Variants in PAK5 observed in about 807,000 individuals in gnomAD.
PAK5 encodes p21 (RAC1) activated kinase 5.
Under a neutral mutation model 65.9 loss-of-function variants are expected in PAK5, and 16 were observed. The ratio of observed to expected loss-of-function variants is 0.24; its 90% CI spans 0.16 to 0.37. The LOEUF (loss-of-function observed/expected upper bound fraction) is 0.37. Ranked by LOEUF, PAK5 falls within the 10% of genes least tolerant of loss-of-function variation. The probability of loss-of-function intolerance (pLI) is 1.00; values close to 1 mark genes in which losing one functional copy is unlikely to be tolerated. For synonymous variants in PAK5, 371 were observed against 354.9 expected, an observed-to-expected ratio of 1.05 and a Z score of -0.51; for missense variants, 785 against 903.9, an observed-to-expected ratio of 0.87 and a Z score of 1.69.
At chr20:9,624,452 C>G (rs1230817704) in intron 3 of PAK5, among the ~76,000 whole-genome samples, 1 of 151,908 alleles carries the variant, frequency 6.6e-6, no homozygotes, top group Non-Finnish European at 1.5e-5. Flanking sequence ...AATTTGTACA[C>G]TTGGAAGGTA....
intron 1 of PAK5, among the ~76,000 whole-genome samples, chr20:9,755,842 C>CAT (rs2048627439): frequency 6.6e-6 from 1 of 152,170 alleles, no homozygotes; most frequent in South Asian, 2.1e-4. Flanking sequence ...TTCCATATGG[C>CAT]ATCTGATTAA....
At chr20:9,570,471 AGT>A (rs958771946) in intron 4 of PAK5, among the ~76,000 whole-genome samples, 2 of 113,434 alleles carry the variant, frequency 1.8e-5, no homozygotes, top group African/African-American at 1.1e-4. Flanking sequence ...TGTGTGTGTG[AGT>A]GTGTGTGTAT....
chr20:9,726,602 A>G (rs1203887614), intron 1 of PAK5, among the ~76,000 whole-genome samples: 2 of 152,162 alleles, frequency 1.3e-5, no homozygotes, highest in East Asian at 1.9e-4. Flanking sequence ...AAAAGTATAA[A>G]TAGAACTTTG....
chr20:9,722,471 G>T (rs935607125), intron 1 of PAK5, among the ~76,000 whole-genome samples: 2 of 151,850 alleles, frequency 1.3e-5, no homozygotes, highest in African/African-American at 4.8e-5. Flanking sequence ...AATTAGCTGG[G>T]CATGGTGGCG....
intron 7 of PAK5, among the ~76,000 whole-genome samples, chr20:9,551,510 G>T (rs1177795514): frequency 1.3e-5 from 2 of 152,182 alleles, no homozygotes; most frequent in Non-Finnish European, 2.9e-5. Context: ...AAAGAATGGT[G>T]GAGGGTTGGG....
intron 3 of PAK5, among the ~76,000 whole-genome samples, chr20:9,604,889 G>C (rs762301537): frequency 6.6e-6 from 1 of 152,198 alleles, no homozygotes; most frequent in Middle Eastern, 3.2e-3. Flanking sequence ...TATCTGGGAT[G>C]CAGCTTTATT....
intron 2 of PAK5, among the ~76,000 whole-genome samples, chr20:9,663,558 C>A (rs17408919): frequency 0.19 from 29,492 of 152,032 alleles, 3,011 homozygotes; most frequent in Non-Finnish European, 0.23. Context: ...ATCTCAGGCA[C>A]TTTTAAAATG....
chr20:9,699,868 G>T (rs2047917938), intron 2 of PAK5, among the ~76,000 whole-genome samples: 1 of 152,092 alleles, frequency 6.6e-6, no homozygotes, highest in South Asian at 2.1e-4. Flanking sequence ...CAAGCACCCG[G>T]TCCCCTCATG....
chr20:9,602,293 A>C (rs1372065622), intron 3 of PAK5, among the ~76,000 whole-genome samples: 3 of 5,184 alleles, frequency 5.8e-4, no homozygotes, highest in Non-Finnish European at 1.1e-3. Context: ...CTGTCTCAAA[A>C]ATAAATAAAT....
intron 1 of PAK5, among the ~76,000 whole-genome samples, chr20:9,797,783 G>A (rs1305711355): frequency 2.0e-5 from 3 of 151,702 alleles, no homozygotes; most frequent in Non-Finnish European, 2.9e-5. Flanking sequence ...TCAGTTTTGG[G>A]TTGCCTTTTG....
At chr20:9,623,823 C>T (rs2046804520) in intron 3 of PAK5, among the ~76,000 whole-genome samples, 2 of 152,180 alleles carry the variant, frequency 1.3e-5, no homozygotes, top group African/African-American at 4.8e-5. Flanking sequence ...GATGCTCAAA[C>T]ACAATAGTGA....
chr20:9,539,573 C>T lies in PAK5; in HGVS notation c.2049G>A (p.Arg683=). The change falls in exon 10 of 10, where the codon AGG becomes AGA. Residue 683 remains arginine, a synonymous_variant. Coordinates refer to ENST00000353224, the MANE Select transcript of PAK5 (RefSeq NM_177990.4). ...LRGFLDLMLV[R]EPSQRATAQE... ...GGGCTGTTGCTCTCTGAGAGGGCTC[C>T]CTCACCAACATCAAGTCTAGGAATC... 1.2e-6 allele frequency: 2 copies of T among 1,613,532 alleles called. No individual in the cohort carries two copies. The highest frequency in any genetic ancestry group is 1.7e-6 in the Non-Finnish European group (2 of 1,179,866).
intron 1 of PAK5, among the ~76,000 whole-genome samples, chr20:9,814,683 C>T (rs1236443769): frequency 6.6e-6 from 1 of 152,104 alleles, no homozygotes; most frequent in East Asian, 1.9e-4. Flanking sequence ...CAGCTAAATT[C>T]TTACTAAAGT....
intron 1 of PAK5, among the ~76,000 whole-genome samples, chr20:9,810,116 T>C (rs959325976): frequency 6.6e-6 from 1 of 152,134 alleles, no homozygotes. Context: ...TGTGCAGCAG[T>C]GGTTCCCAAC....
At chr20:9,733,919 T>C (rs1369764001) in intron 1 of PAK5, among the ~76,000 whole-genome samples, 1 of 152,170 alleles carries the variant, frequency 6.6e-6, no homozygotes, top group African/African-American at 2.4e-5. Flanking sequence ...AAAAATAAAG[T>C]CCAAACACAA....
At chr20:9,740,181 C>T (rs1266120746) in intron 1 of PAK5, among the ~76,000 whole-genome samples, 1 of 152,116 alleles carries the variant, frequency 6.6e-6, no homozygotes, top group Non-Finnish European at 1.5e-5. Flanking sequence ...GTGTTAATAC[C>T]TTGGCAGGGA....
chr20:9,615,826 C>T (rs184235964), intron 3 of PAK5, among the ~76,000 whole-genome samples: 6 of 152,326 alleles, frequency 3.9e-5, no homozygotes, highest in Non-Finnish European at 8.8e-5. Context: ...CTCCCGTGGC[C>T]TGGCAGCGGA....
intron 1 of PAK5, among the ~76,000 whole-genome samples, chr20:9,782,431 C>T (rs2048950465): frequency 6.6e-6 from 1 of 152,160 alleles, no homozygotes; most frequent in Non-Finnish European, 1.5e-5. Flanking sequence ...AACTGTGAGT[C>T]ATGCCAGTAT....
intron 1 of PAK5, among the ~76,000 whole-genome samples, chr20:9,802,929 T>TATATATATATATATATATAC: frequency 1.5e-5 from 2 of 136,702 alleles, no homozygotes; most frequent in Non-Finnish European, 3.1e-5. Flanking sequence ...TATATATATA[T>TATATATATATATATATATAC]ATATGAATTA....
Sources: gnomAD v4.1 joint callset for allele counts (sites outside exome capture counted in the v4.1 genomes callset) on GRCh38, gnomAD v4.1.1 for gene constraint, MANE v1.5 for transcripts, NCBI Gene and HGNC (gene_info 2026-07-23, HGNC 2026-07-21) for gene names.